Variants in SLC16A10 observed in about 807,000 individuals in gnomAD.
SLC16A10 encodes monocarboxylate transporter 10.
A neutral mutation model predicts 40.0 loss-of-function variants in SLC16A10; 27 were observed. The ratio of observed to expected loss-of-function variants is 0.67; its 90% CI spans 0.50 to 0.93. The LOEUF (loss-of-function observed/expected upper bound fraction) is 0.93, where lower values mean the gene tolerates loss of function less well. Ranked by LOEUF, SLC16A10 falls within the 40% of genes least tolerant of loss-of-function variation. The pLI is 0.00. For missense variants in SLC16A10, 529 were observed against 658.2 expected (o/e 0.80, Z 2.15); for synonymous variants, 213 against 249.8 (o/e 0.85, Z 1.39).
chr6:111,202,139 C>T (rs1020405563), intron 3 of SLC16A10, among the ~76,000 whole-genome samples: 3 of 152,168 alleles, frequency 2.0e-5, no homozygotes, highest in African/African-American at 7.2e-5. Flanking sequence ...TCTGTGGGCT[C>T]TAGTGAGGGG....
At chr6:111,149,527 T>G (rs900215571) in intron 1 of SLC16A10, among the ~76,000 whole-genome samples, 1 of 152,236 alleles carries the variant, frequency 6.6e-6, no homozygotes, top group Non-Finnish European at 1.5e-5. Flanking sequence ...GTTTTCTTCC[T>G]AAAATTAATT....
In SLC16A10 at chr6:111,223,860, G is replaced by C. The variant is rs868412578; in HGVS notation, c.*1625G>C. 2.0e-5 allele frequency: 3 copies of C among 152,616 alleles called. No individual in the cohort carries two copies. Among genetic ancestry groups the C allele is most frequent in the Non-Finnish European group, 2.9e-5 (2 of 68,294 alleles). The allele number at this position is 152,616 out of a possible 1,614,324, so 9.5% of individuals were successfully genotyped here. A position where few individuals can be genotyped will look rare whatever the true frequency, so the allele number is the denominator to read the frequency against. On this transcript the variant is annotated 3_prime_UTR_variant, in exon 6 of 6. Transcript: ENST00000368851. ...TGCGCCTATAATCCCAGCACTTTGG[G>C]AGGCTGAGGAGGGAAGATTGCTTGA... is the stretch of plus-strand genomic sequence containing the variant.
chr6:111,137,930 T>A (rs1258112325), intron 1 of SLC16A10, among the ~76,000 whole-genome samples: 3 of 152,146 alleles, frequency 2.0e-5, no homozygotes, highest in Non-Finnish European at 4.4e-5. Flanking sequence ...AAATAGCCAA[T>A]CATCTATCAC....
chr6:111,204,389 T>C (rs1773221204), intron 3 of SLC16A10, among the ~76,000 whole-genome samples: 1 of 152,096 alleles, frequency 6.6e-6, no homozygotes, highest in Non-Finnish European at 1.5e-5. Context: ...CCTGTTGACT[T>C]TGAGGTGCCT....
chr6:111,149,041 C>G (rs1179675889), intron 1 of SLC16A10, among the ~76,000 whole-genome samples: 3 of 152,174 alleles, frequency 2.0e-5, no homozygotes, highest in Non-Finnish European at 4.4e-5. Flanking sequence ...CTCTAGTTTC[C>G]TCTGTAGCTA....
chr6:111,123,285 CCA>C (rs1461446656), intron 1 of SLC16A10, among the ~76,000 whole-genome samples: 1 of 152,166 alleles, frequency 6.6e-6, no homozygotes, highest in Non-Finnish European at 1.5e-5. Flanking sequence ...CCTGATAATC[CCA>C]GTGTATAGGC....
At chr6:111,206,848 G>T (rs1415812727) in intron 4 of SLC16A10, 113 bp downstream of exon 4, 4 of 1,359,464 alleles carry the variant, frequency 2.9e-6, no homozygotes. Context: ...TTCTTTTTGA[G>T]ATGGAGTTTC....
rs141078716 is a variant in SLC16A10, at chr6:111,103,367, G to A, written c.343+15272G>A. Among the ~76,000 whole-genome samples, 203 of 152,156 alleles carry A rather than the reference G, an allele frequency of 1.3e-3. 1 individual carries two copies. Among genetic ancestry groups the A allele is most frequent in the African/African-American group, 4.7e-3 (196 of 41,510 alleles). Reference sequence around the variant, plus strand: ...CGAGTAGCTGGGATTACAGACACACGCCACTATACCTGGCTAATTTTTGTA... The same window carrying A: ...CGAGTAGCTGGGATTACAGACACACACCACTATACCTGGCTAATTTTTGTA... On this transcript the variant is annotated intron_variant, in intron 1 of 5. Transcript: ENST00000368851.
intron 5 of SLC16A10, among the ~76,000 whole-genome samples, chr6:111,220,124 T>G (rs980317700): frequency 6.6e-6 from 1 of 152,176 alleles, no homozygotes; most frequent in Non-Finnish European, 1.5e-5. Context: ...TTATTTCATG[T>G]GAAATATCCA....
At chr6:111,141,761 T>C (rs1771986621) in intron 1 of SLC16A10, among the ~76,000 whole-genome samples, 2 of 152,222 alleles carry the variant, frequency 1.3e-5, no homozygotes, top group Non-Finnish European at 2.9e-5. Context: ...ATAAGAGATA[T>C]ATAAGTAAAA....
At position 111,222,796 on chromosome 6, in the gene SLC16A10, C is replaced by T. The variant is rs879557531; in HGVS notation, c.*561C>T. The T allele has an allele frequency of 6.5e-6, 1 of 153,814 alleles. No homozygotes were observed. Among genetic ancestry groups the T allele is most frequent in the Admixed American group, 6.5e-5 (1 of 15,294 alleles). 9.5% of individuals were successfully genotyped at this position (153,814 alleles called of 1,614,324 possible). ...AAGATATTCTGACTTGCTCCAGTGT[C>T]AAGGGACCTTCTGGGAGCAGGTGCT... On this transcript the variant is annotated 3_prime_UTR_variant, in exon 6 of 6. Coordinates refer to ENST00000368851, the MANE Select transcript of SLC16A10 (RefSeq NM_018593.5).
At chr6:111,114,714 AG>A (rs766789567) in intron 1 of SLC16A10, among the ~76,000 whole-genome samples, 240 of 152,302 alleles carry the variant, frequency 1.6e-3, no homozygotes, top group Non-Finnish European at 2.9e-3. Context: ...GGGAGGCCAG[AG>A]GAGGGGCCTC....
intron 1 of SLC16A10, among the ~76,000 whole-genome samples, chr6:111,161,077 GCA>G (rs1255657858): frequency 6.6e-6 from 1 of 151,902 alleles, no homozygotes; most frequent in Non-Finnish European, 1.5e-5. Context: ...ACAAAAATTA[GCA>G]GGGTGTGGTG....
Position 111,130,484 on chromosome 6 carries a change from G to A in SLC16A10, c.344-42211G>A, listed in dbSNP as rs921787621. Among the ~76,000 whole-genome samples the A allele has an allele frequency of 3.9e-5, 6 of 152,240 alleles. No homozygotes were observed. In the South Asian group the frequency reaches 1.0e-3, roughly 26 times the overall value. On this transcript the variant is annotated intron_variant, in intron 1 of 5. Transcript: ENST00000368851. ...TTTTTGATGGACTCCCCCTTTTTGG[G>A]GGAGTATCAGTTGAATGAGCACTGT...
intron 1 of SLC16A10, among the ~76,000 whole-genome samples, chr6:111,149,554 G>A (rs1370616081): frequency 6.6e-6 from 1 of 152,174 alleles, no homozygotes; most frequent in Non-Finnish European, 1.5e-5. Context: ...GATTATCAAA[G>A]TTTTATATGC....
In SLC16A10 at chr6:111,146,630, G is replaced by A. The variant is rs181195922; in HGVS notation, c.344-26065G>A. On this transcript the variant is annotated intron_variant, in intron 1 of 5. Transcript: ENST00000368851. The stretch of plus-strand genomic sequence containing the variant: ...GGGGCGCCTGTAGTCCCAGCTACTC[G>A]GGAGGCTGAGGCAGGAGAATGTCGT... 9.2e-5 allele frequency among the ~76,000 whole-genome samples: 14 copies of A among 152,168 alleles called. No individual in the cohort carries two copies. In the East Asian group the frequency reaches 1.5e-3, roughly 17 times the overall value.
At chr6:111,159,556 G>GT (rs1330542798) in intron 1 of SLC16A10, among the ~76,000 whole-genome samples, 2 of 151,798 alleles carry the variant, frequency 1.3e-5, no homozygotes, top group Non-Finnish European at 2.9e-5. Context: ...GGTTCTTTCT[G>GT]TTTTTTTGAC....
intron 1 of SLC16A10, among the ~76,000 whole-genome samples, chr6:111,093,315 C>G (rs1262882147): frequency 6.6e-6 from 1 of 152,160 alleles, no homozygotes; most frequent in Non-Finnish European, 1.5e-5. Flanking sequence ...ATCTTTAACG[C>G]AACTCTACAC....
intron 1 of SLC16A10, among the ~76,000 whole-genome samples, chr6:111,168,231 C>T (rs187204101): frequency 6.2e-4 from 95 of 152,296 alleles, no homozygotes; most frequent in African/African-American, 1.8e-3. Context: ...CCACCCACCT[C>T]GGGCTCCCAA....
Sources: allele counts gnomAD v4.1 joint callset (sites outside exome capture counted in the v4.1 genomes callset), GRCh38; gene constraint gnomAD v4.1.1; transcripts MANE v1.5; gene names NCBI Gene and HGNC (gene_info 2026-07-23, HGNC 2026-07-21).